Variants in KNTC1 observed in about 807,000 individuals in gnomAD.
KNTC1 encodes kinetochore-associated protein 1.
Under a neutral mutation model 314.4 loss-of-function variants are expected in KNTC1, and 253 were observed. The ratio of observed to expected loss-of-function variants is 0.80; its 90% CI spans 0.73 to 0.89. KNTC1 has a LOEUF of 0.89. Ranked by LOEUF, KNTC1 falls within the 40% of genes least tolerant of loss-of-function variation. The pLI is 0.00. For missense variants in KNTC1, 2,475 were observed against 2,572.9 expected, an observed-to-expected ratio of 0.96 and a Z score of 0.82; for synonymous variants, 901 against 901.4, an observed-to-expected ratio of 1.00 and a Z score of 0.01.
intron 18 of KNTC1, among the ~76,000 whole-genome samples, chr12:122,560,429 C>T (rs186030892): frequency 2.6e-5 from 4 of 152,164 alleles, no homozygotes; most frequent in South Asian, 2.1e-4. Context: ...AGTGCAATGG[C>T]GTGATCTTGG....
chr12:122,590,549 A>G, intron 40 of KNTC1, 58 bp from the exon 41 acceptor site: 1 of 1,511,898 alleles, frequency 6.6e-7, no homozygotes, highest in South Asian at 1.3e-5. Flanking sequence ...TTTGTGAACA[A>G]AGTTAATTCT....
intron 52 of KNTC1, among the ~76,000 whole-genome samples, chr12:122,610,291 A>G (rs61275910): frequency 0.035 from 5,383 of 152,266 alleles, 347 homozygotes; most frequent in African/African-American, 0.12. Context: ...AGCGATTTAA[A>G]GAGGAGAGAA....
At position 122,604,952 on chromosome 12, in the gene KNTC1, G is replaced by A. The variant is rs151223138; in HGVS notation, c.5251G>A (p.Val1751Met). The A allele has an allele frequency of 6.2e-7, 1 of 1,612,074 alleles. No individual in the cohort carries two copies. Among genetic ancestry groups the A allele is most frequent in the South Asian group, 1.1e-5 (1 of 90,520 alleles). ...IQYRRSGTEA[V>M]LIAHKLNTEE... ...GTACCGGCGATCGGGCACAGAAGCT[G>A]TGCTCATAGCCCACAAGCTGAACAC... The change falls in exon 50 of 64, where the codon GTG becomes ATG. Residue 1751 changes from valine to methionine, a missense_variant. By Grantham distance (21) the Val-to-Met change is conservative. Coordinates refer to ENST00000333479, the MANE Select transcript of KNTC1 (RefSeq NM_014708.6).
In KNTC1 at chr12:122,573,276, G is replaced by T; in HGVS notation, c.2274G>T (p.Leu758=). 10 of 1,613,198 alleles carry T rather than the reference G, an allele frequency of 6.2e-6. No homozygotes were observed. The highest frequency in any genetic ancestry group is 8.5e-6 in the Non-Finnish European group (10 of 1,179,506). ...TGCAAGAGGAGGAACTTCTCTTGCT[G>T]TACATAGAGGTAACTTTTCCTTTAC... ...HDLQEEELLL[L]YIEDLLNRCS... is the part of the protein sequence containing the mutation. The change falls in exon 26 of 64, where the codon CTG becomes CTT. Residue 758 remains leucine, a synonymous_variant. Transcript: ENST00000333479.
chr12:122,578,078 A>G (rs966612566), intron 31 of KNTC1, among the ~76,000 whole-genome samples: 9 of 152,198 alleles, frequency 5.9e-5, no homozygotes, highest in African/African-American at 2.2e-4. Flanking sequence ...TGCAATATAA[A>G]CAATGTTTTG....
chr12:122,590,542 G>C, intron 40 of KNTC1, 65 bp from the exon 41 acceptor site: 1 of 1,437,964 alleles, frequency 7.0e-7, no homozygotes. Context: ...TCTGCCCTTT[G>C]TGAACAAAGT....
Position 122,602,837 on chromosome 12 carries a change from C to T in KNTC1, c.4834C>T (p.Leu1612Phe). The change falls in exon 47 of 64, where the codon CTC (leucine) becomes TTC (phenylalanine). Residue 1612 changes from leucine (L) to phenylalanine (F), a missense_variant. Physicochemically the swap from Leu to Phe is conservative, Grantham distance 22. Transcript: ENST00000333479. ...QNFWKILSTELSEESFPTLLL... is the reference protein window; with the variant it reads ...QNFWKILSTEFSEESFPTLLL... Reference sequence around the variant, plus strand: ...CCTTGTTTCCTTTCTAGCTACAGAACTCAGTGAAGAATCTTTCCCAACATT... The same window carrying T: ...CCTTGTTTCCTTTCTAGCTACAGAATTCAGTGAAGAATCTTTCCCAACATT... The T allele has an allele frequency of 1.2e-6, 2 of 1,612,840 alleles. No homozygotes were observed. The highest frequency in any genetic ancestry group is 1.7e-6 in the Non-Finnish European group (2 of 1,179,070).
At chr12:122,594,914 CCT>C (rs1362439821) in intron 43 of KNTC1, among the ~76,000 whole-genome samples, 1 of 151,936 alleles carries the variant, frequency 6.6e-6, no homozygotes, top group Non-Finnish European at 1.5e-5. Context: ...ACGGAGTCTC[CCT>C]CTGTCACCCA....
intron 44 of KNTC1, among the ~76,000 whole-genome samples, chr12:122,599,936 T>C (rs1871614728): frequency 6.6e-6 from 1 of 152,102 alleles, no homozygotes; most frequent in Non-Finnish European, 1.5e-5. Flanking sequence ...GGAGGATTGC[T>C]TGAGCCCAGG....
intron 2 of KNTC1, among the ~76,000 whole-genome samples, chr12:122,534,285 C>A (rs1961609334): frequency 6.6e-6 from 1 of 152,084 alleles, no homozygotes; most frequent in South Asian, 2.1e-4. Context: ...GGGCATGGAC[C>A]CTCCAGTTCA....
At chr12:122,613,498 T>G in intron 54 of KNTC1, 128 bp from the exon 55 acceptor site, 1 of 754,086 alleles carries the variant, frequency 1.3e-6, no homozygotes, top group Middle Eastern at 3.8e-4. Flanking sequence ...ATATATTCAG[T>G]GAATATATTT....
chr12:122,621,413 G>A (rs1263129836), intron 60 of KNTC1, among the ~76,000 whole-genome samples: 1 of 152,178 alleles, frequency 6.6e-6, no homozygotes, highest in Non-Finnish European at 1.5e-5. Context: ...GTCCAGTGGT[G>A]CAATCTCAGC....
chr12:122,563,387 G>C (rs992307423), intron 20 of KNTC1, among the ~76,000 whole-genome samples: 3 of 152,024 alleles, frequency 2.0e-5, no homozygotes, highest in Admixed American at 2.0e-4. Flanking sequence ...GATTTATATT[G>C]GTTCTGTAGC....
At chr12:122,556,940 T>TA (rs1555225371) in intron 16 of KNTC1, among the ~76,000 whole-genome samples, 34 of 141,416 alleles carry the variant, frequency 2.4e-4, no homozygotes, top group South Asian at 4.7e-4. Flanking sequence ...TTTTTTTTTT[T>TA]AAATAGGGTC....
chr12:122,623,324 C>T (rs1296041079), intron 62 of KNTC1, among the ~76,000 whole-genome samples: 1 of 152,026 alleles, frequency 6.6e-6, no homozygotes, highest in African/African-American at 2.4e-5. Context: ...GGAAACTGAA[C>T]GGGAGAAGGA....
chr12:122,557,488 G>A lies in KNTC1; in HGVS notation c.1377G>A (p.Lys459=). 1 of 1,613,774 alleles carries A rather than the reference G, an allele frequency of 6.2e-7. No homozygotes were observed. The highest frequency in any genetic ancestry group is 8.5e-7 in the Non-Finnish European group (1 of 1,179,794). ...GGCAACAACTTGTAGACGACGCTAA[G>A]GAAAATCTACATAAGATCCAGGTAT... ...TEWQQLVDDA[K]ENLHKIQDDE... Residue 459 remains lysine (K), a synonymous_variant, in exon 17 of 64, where the codon AAG becomes AAA. Coordinates refer to ENST00000333479, the MANE Select transcript of KNTC1 (RefSeq NM_014708.6).
chr12:122,599,501 G>A (rs1157642790), intron 44 of KNTC1, among the ~76,000 whole-genome samples: 1 of 151,784 alleles, frequency 6.6e-6, no homozygotes, highest in Non-Finnish European at 1.5e-5. Context: ...ACAGGCATGC[G>A]CCACCACGTC....
chr12:122,587,639 A>G, intron 38 of KNTC1, 72 bp from the exon 39 acceptor site: 1 of 1,262,882 alleles, frequency 7.9e-7, no homozygotes, highest in Non-Finnish European at 1.1e-6. Flanking sequence ...CTGTCCCTGA[A>G]AACAGTTTTC....
At chr12:122,606,222 CTTTTTT>C (rs34344479) in intron 51 of KNTC1, among the ~76,000 whole-genome samples, 2 of 109,784 alleles carry the variant, frequency 1.8e-5, no homozygotes, top group Non-Finnish European at 3.8e-5. Flanking sequence ...AGATTGTTTA[CTTTTTT>C]TTTTTTTTTT....
Sources: allele counts gnomAD v4.1 joint callset (sites outside exome capture counted in the v4.1 genomes callset), GRCh38; gene constraint gnomAD v4.1.1; transcripts MANE v1.5; gene names NCBI Gene and HGNC (gene_info 2026-07-23, HGNC 2026-07-21).